Variants in DLC1 observed in about 807,000 individuals in gnomAD.
DLC1 encodes rho GTPase-activating protein 7.
A neutral mutation model predicts 140.3 loss-of-function variants in DLC1; 54 were observed. The ratio of observed to expected loss-of-function variants is 0.38; its 90% CI spans 0.31 to 0.48. DLC1 has a LOEUF of 0.48. DLC1 is among the 20% of genes least tolerant of loss of function. The pLI, the probability that DLC1 is intolerant of heterozygous loss-of-function variation, is 0.96. For missense variants in DLC1, 2,536 were observed against 1,907.0 expected (o/e 1.33, Z -6.14); for synonymous variants, 986 against 728.1 (o/e 1.35, Z -5.70).
At chr8:13,300,469 C>G (rs1299025661) in intron 5 of DLC1, among the ~76,000 whole-genome samples, 1 of 152,172 alleles carries the variant, frequency 6.6e-6, no homozygotes, top group Non-Finnish European at 1.5e-5. Flanking sequence ...AACTTAAAAA[C>G]AAACTCTCCA....
chr8:13,356,529 C>G (rs1290168929), intron 4 of DLC1, among the ~76,000 whole-genome samples: 1 of 152,206 alleles, frequency 6.6e-6, no homozygotes, highest in East Asian at 1.9e-4. Context: ...CTTCCACACC[C>G]ACAAAGAGAA....
intron 2 of DLC1, among the ~76,000 whole-genome samples, chr8:13,445,425 C>G (rs535931650): frequency 6.6e-6 from 1 of 152,276 alleles, no homozygotes; most frequent in Admixed American, 6.5e-5. Context: ...TTTAAATCCT[C>G]ACAGGGCTTA....
chr8:13,167,666 T>C (rs984014646), intron 5 of DLC1, among the ~76,000 whole-genome samples: 2 of 152,218 alleles, frequency 1.3e-5, no homozygotes, highest in African/African-American at 4.8e-5. Context: ...GGATGGATTC[T>C]CAAAATGAGA....
At chr8:13,552,203 G>GTA (rs1287928138) in intron 1 of DLC1, among the ~76,000 whole-genome samples, 4 of 138,212 alleles carry the variant, frequency 2.9e-5, no homozygotes, top group Admixed American at 1.5e-4. Context: ...GTCTAGAGGT[G>GTA]TATATATATA....
intron 5 of DLC1, among the ~76,000 whole-genome samples, chr8:13,254,270 C>T (rs1830124143): frequency 6.6e-6 from 1 of 150,664 alleles, no homozygotes; most frequent in African/African-American, 2.5e-5. Context: ...TGAGAAGTAA[C>T]TAGTCTTGAG....
chr8:13,447,166 T>C (rs1246744922), intron 2 of DLC1, among the ~76,000 whole-genome samples: 1 of 152,212 alleles, frequency 6.6e-6, no homozygotes, highest in East Asian at 1.9e-4. Flanking sequence ...GTTTTCCAAA[T>C]GTTGATTTTT....
chr8:13,104,587 C>G (rs1051815752), intron 7 of DLC1, among the ~76,000 whole-genome samples: 16 of 152,168 alleles, frequency 1.1e-4, no homozygotes, highest in Non-Finnish European at 2.1e-4. Context: ...AATTGCAATT[C>G]TACATTTTCA....
chr8:13,128,629 C>A (rs866413122), intron 5 of DLC1, among the ~76,000 whole-genome samples: 2 of 152,074 alleles, frequency 1.3e-5, no homozygotes, highest in African/African-American at 4.8e-5. Flanking sequence ...TCAGGAGATC[C>A]AGACCATCCT....
intron 5 of DLC1, among the ~76,000 whole-genome samples, chr8:13,224,674 G>A (rs1828707577): frequency 6.6e-6 from 1 of 152,162 alleles, no homozygotes; most frequent in Non-Finnish European, 1.5e-5. Context: ...TCCTTGAGGA[G>A]CTACTTCCTT....
intron 4 of DLC1, among the ~76,000 whole-genome samples, chr8:13,320,762 T>G (rs1469585679): frequency 6.6e-6 from 1 of 152,172 alleles, no homozygotes; most frequent in East Asian, 1.9e-4. Context: ...GGCCTATAAT[T>G]CCAGAACTTC....
chr8:13,486,817 C>T (rs1204786264), intron 2 of DLC1, among the ~76,000 whole-genome samples: 4 of 152,066 alleles, frequency 2.6e-5, no homozygotes, highest in East Asian at 1.9e-4. Flanking sequence ...TACAACAAAA[C>T]GAAGGCAAAA....
At position 13,434,778 on chromosome 8, in the gene DLC1, A is replaced by G. The variant is rs543421363; in HGVS notation, c.1024-33159T>C. ...ACTGCAGCCTCAAACTCCCAGGCTCAGGCAATCTTCTCACCTCAGCCTCCT... is the reference window on the plus strand; with the variant it reads ...ACTGCAGCCTCAAACTCCCAGGCTCGGGCAATCTTCTCACCTCAGCCTCCT... On this transcript the variant is annotated intron_variant, in intron 2 of 17. Coordinates refer to ENST00000276297, the MANE Select transcript of DLC1 (RefSeq NM_182643.3). Among the ~76,000 whole-genome samples the G allele has an allele frequency of 2.6e-5, 4 of 152,288 alleles. No individual in the cohort carries two copies. In the South Asian group the frequency reaches 8.3e-4, roughly 32 times the overall value.
intron 7 of DLC1, among the ~76,000 whole-genome samples, chr8:13,108,806 G>A (rs571330190): frequency 3.5e-4 from 54 of 152,248 alleles, no homozygotes; most frequent in Non-Finnish European, 5.6e-4. Flanking sequence ...CTGCTCCACA[G>A]CTAAGCATGA....
chr8:13,318,774 C>G (rs1316300946), intron 4 of DLC1, among the ~76,000 whole-genome samples: 1 of 152,198 alleles, frequency 6.6e-6, no homozygotes, highest in African/African-American at 2.4e-5. Flanking sequence ...ACACATTTTC[C>G]CTTTCTACAT....
At chr8:13,086,956 T>C (rs1006186258) in intron 16 of DLC1, among the ~76,000 whole-genome samples, 4 of 152,176 alleles carry the variant, frequency 2.6e-5, no homozygotes, top group African/African-American at 9.7e-5. Flanking sequence ...GCTGTAATCA[T>C]GCCACTGTAC....
At chr8:13,393,368 T>G (rs1362132691) in intron 4 of DLC1, among the ~76,000 whole-genome samples, 185 bp downstream of exon 4, 1 of 152,244 alleles carries the variant, frequency 6.6e-6, no homozygotes, top group Non-Finnish European at 1.5e-5. Flanking sequence ...GAAGTACTTG[T>G]GTTATCATTT....
chr8:13,322,871 T>C (rs1833181146), intron 4 of DLC1, among the ~76,000 whole-genome samples: 1 of 152,048 alleles, frequency 6.6e-6, no homozygotes, highest in Non-Finnish European at 1.5e-5. Flanking sequence ...GCAGAAGTGA[T>C]GGTATGCGAC....
At chr8:13,410,517 C>T (rs568910341) in intron 2 of DLC1, among the ~76,000 whole-genome samples, 9 of 151,862 alleles carry the variant, frequency 5.9e-5, no homozygotes, top group South Asian at 4.2e-4. Flanking sequence ...CAAAGAAAAA[C>T]GCAAGACCAC....
rs112769368 is a variant in DLC1 at position 13,089,207 on chromosome 8, A to G, written c.4075-503T>C. ...CTAGGAGGCACTTTGCAGTGAGCTG[A>G]GATCACACCACTGCACTCCAGCCTG... On this transcript the variant is annotated intron_variant, in intron 15 of 17. Coordinates refer to ENST00000276297, the MANE Select transcript of DLC1 (RefSeq NM_182643.3). 1.9e-3 allele frequency among the ~76,000 whole-genome samples: 293 copies of G among 152,074 alleles called. 2 individuals are homozygous for G. The highest frequency in any genetic ancestry group is 6.5e-3 in the African/African-American group (269 of 41,426).
Sources: gnomAD v4.1 joint callset for allele counts (sites outside exome capture counted in the v4.1 genomes callset) on GRCh38, gnomAD v4.1.1 for gene constraint, MANE v1.5 for transcripts, NCBI Gene and HGNC (gene_info 2026-07-23, HGNC 2026-07-21) for gene names.